Variants in BAHD1 observed in about 807,000 individuals in gnomAD.
BAHD1 encodes the protein bromo adjacent homology domain-containing 1 protein.
A neutral mutation model predicts 63.1 loss-of-function variants in BAHD1; 20 were observed. That is an observed-to-expected ratio of 0.32 (90% CI 0.22 to 0.46). The LOEUF is 0.46. Among genes scored for constraint, BAHD1 ranks in the 20% least tolerant of loss-of-function variants. BAHD1 has a pLI of 1.00. For missense variants in BAHD1, 939 were observed against 1,071.8 expected (o/e 0.88, Z 1.73); for synonymous variants, 408 against 426.8 (o/e 0.96, Z 0.54).
At chr15:40,444,906 G>A (rs768677096) in intron 1 of BAHD1, among the ~76,000 whole-genome samples, 3 of 151,676 alleles carry the variant, frequency 2.0e-5, no homozygotes, top group Non-Finnish European at 4.4e-5. Flanking sequence ...TCCCTTCTAC[G>A]CGGGAAGGCC....
intron 2 of BAHD1, among the ~76,000 whole-genome samples, chr15:40,461,143 T>C (rs1042839043): frequency 6.6e-6 from 1 of 152,044 alleles, no homozygotes; most frequent in African/African-American, 2.4e-5. Flanking sequence ...TGTGTCTCAG[T>C]TTTCTTAACT....
rs1893381996 is a variant in BAHD1, at chr15:40,441,025, C to A, written c.-258C>A. Among the ~76,000 whole-genome samples the A allele has an allele frequency of 6.8e-6, 1 of 146,570 alleles. No individual in the cohort carries two copies. Among genetic ancestry groups the A allele is most frequent in the Non-Finnish European group, 1.5e-5 (1 of 65,806 alleles). Reference sequence around the variant, plus strand: ...CCCCCGCCGCCCGCCCGTCCGGCTGCCTGCCCCGCCCGTCCGGCCCCCGCC... The same window carrying A: ...CCCCCGCCGCCCGCCCGTCCGGCTGACTGCCCCGCCCGTCCGGCCCCCGCC... On this transcript the variant is annotated 5_prime_UTR_variant, in exon 1 of 7. Coordinates refer to ENST00000416165, the MANE Select transcript of BAHD1 (RefSeq NM_014952.5).
chr15:40,457,726 C>G (rs1046932677), intron 1 of BAHD1, among the ~76,000 whole-genome samples: 1 of 152,194 alleles, frequency 6.6e-6, no homozygotes, highest in Admixed American at 6.5e-5. Flanking sequence ...AGATGGACTC[C>G]TGGCCGGGGG....
intron 6 of BAHD1, among the ~76,000 whole-genome samples, 187 bp downstream of exon 6, chr15:40,465,622 G>T (rs955794095): frequency 1.3e-5 from 2 of 152,204 alleles, no homozygotes; most frequent in African/African-American, 2.4e-5. Flanking sequence ...TTGGAAGAAA[G>T]AAGAAAAATT....
intron 1 of BAHD1, among the ~76,000 whole-genome samples, chr15:40,458,000 CA>C (rs1326965778): frequency 6.6e-6 from 1 of 151,302 alleles, no homozygotes; most frequent in African/African-American, 2.4e-5. Flanking sequence ...CTCCGTCTCT[CA>C]AAAAAAGAAA....
intron 1 of BAHD1, among the ~76,000 whole-genome samples, chr15:40,441,513 C>A (rs1893400967): frequency 6.6e-6 from 1 of 150,776 alleles, no homozygotes; most frequent in Non-Finnish European, 1.5e-5. Flanking sequence ...GTCCCGCCAT[C>A]GGGGAACGCG....
At position 40,462,199 on chromosome 15, in the gene BAHD1, C is replaced by G. The variant is rs961774486; in HGVS notation, c.1720C>G (p.Arg574Gly). ...CAGGCCTAGCCACCCCAAGCAGCCACGTGTCCAGCGCCCACGCCCTCGCCG... is the reference window on the plus strand; with the variant it reads ...CAGGCCTAGCCACCCCAAGCAGCCAGGTGTCCAGCGCCCACGCCCTCGCCG... The part of the protein sequence containing the change: ...ARRPSHPKQP[R>G]VQRPRPRRRR... Residue 574 changes from arginine (R) to glycine (G), a missense_variant, in exon 3 of 7, where the codon CGT becomes GGT. Around this residue, in one of 5 missense-constraint regions of BAHD1, gnomAD observed 797 missense variants for 813.3 expected, o/e 0.98. Transcript: ENST00000416165. 6.2e-7 allele frequency: 1 copy of G among 1,612,488 alleles called. No homozygotes were observed. Among genetic ancestry groups the G allele is most frequent in the Non-Finnish European group, 8.5e-7 (1 of 1,179,904 alleles).
chr15:40,461,184 A>C (rs1052682863), intron 2 of BAHD1, among the ~76,000 whole-genome samples: 1 of 152,176 alleles, frequency 6.6e-6, no homozygotes, highest in African/African-American at 2.4e-5. Flanking sequence ...CCTATCTCAC[A>C]GGGTTTTTGT....
intron 1 of BAHD1, chr15:40,453,409 C>T (rs1893761803): frequency 6.6e-6 from 1 of 152,222 alleles, no homozygotes; most frequent in Non-Finnish European, 1.5e-5. Flanking sequence ...GCTCTTGCCA[C>T]ATTTCTTCTC....
chr15:40,459,980 G>C (rs141668445), intron 2 of BAHD1, 84 bp downstream of exon 2: 2 of 1,448,956 alleles, frequency 1.4e-6, no homozygotes, highest in African/African-American at 2.8e-5. Context: ...CTGAGCAGGG[G>C]TCTCCCTTGG....
chr15:40,454,014 C>T (rs1274504317), intron 1 of BAHD1: 1 of 152,458 alleles, frequency 6.6e-6, no homozygotes, highest in African/African-American at 2.4e-5. Context: ...ACCAAAGAAG[C>T]CTGAAAAGCA....
At chr15:40,453,085 G>C (rs149388991) in intron 1 of BAHD1, among the ~76,000 whole-genome samples, 1 of 152,170 alleles carries the variant, frequency 6.6e-6, no homozygotes, top group South Asian at 2.1e-4. Context: ...CTCCTCTGTC[G>C]GGTTGGAAGG....
Position 40,466,271 on chromosome 15 carries a change from G to A in BAHD1, c.*141G>A, listed in dbSNP as rs891361985. 2.7e-6 allele frequency: 2 copies of A among 746,508 alleles called. No individual in the cohort carries two copies. Among genetic ancestry groups the A allele is most frequent in the Non-Finnish European group, 4.2e-6 (2 of 478,066 alleles). The allele number at this position is 746,508 out of a possible 1,614,324, so 46.2% of individuals were successfully genotyped here. A position where few individuals can be genotyped will look rare whatever the true frequency, so the allele number is the denominator to read the frequency against. ...TGGTTTTCTTGGGGGGGAGGGCAGG[G>A]GCCCCTGTGGGTTCTGGGCTCCAGG... On this transcript the variant is annotated 3_prime_UTR_variant, in exon 7 of 7. Transcript: ENST00000416165.
intron 1 of BAHD1, among the ~76,000 whole-genome samples, chr15:40,444,518 A>T (rs1893483386): frequency 6.6e-6 from 1 of 152,188 alleles, no homozygotes; most frequent in Non-Finnish European, 1.5e-5. Flanking sequence ...TGCTAAATGA[A>T]TCCATGTTTT....
intron 1 of BAHD1, among the ~76,000 whole-genome samples, chr15:40,451,747 T>C (rs1306437225): frequency 1.7e-4 from 26 of 152,138 alleles, no homozygotes; most frequent in Non-Finnish European, 2.9e-5. Flanking sequence ...TCACAAGAGG[T>C]GCTGTGTGCC....
chr15:40,464,573 G>GA, intron 5 of BAHD1, 26 bp downstream of exon 5: 6 of 1,594,156 alleles, frequency 3.8e-6, no homozygotes, highest in Non-Finnish European at 5.1e-6. Context: ...GATGGGTCAG[G>GA]GAGGGCAGGA....
intron 1 of BAHD1, among the ~76,000 whole-genome samples, chr15:40,442,849 C>CA (rs201871335): frequency 2.0e-4 from 30 of 150,670 alleles, no homozygotes; most frequent in South Asian, 1.1e-3. Flanking sequence ...CTGTCTTCCA[C>CA]AAAAAAAAAG....
chr15:40,465,024 C>T, intron 5 of BAHD1: 1 of 430,946 alleles, frequency 2.3e-6, no homozygotes, highest in Non-Finnish European at 4.2e-6. Context: ...CTTGCAGGGA[C>T]TTTCCATCTA....
At position 40,468,180 on chromosome 15, in the gene BAHD1, G is replaced by C. The variant is rs143727910; in HGVS notation, c.*2050G>C. ...CTCACCTCCCTTTTGACAGAGATTA[G>C]AAGTACTTCTTTAAGAAAAAAATAA... On this transcript the variant is annotated 3_prime_UTR_variant, in exon 7 of 7. Transcript: ENST00000416165. 3 of 152,622 alleles carry C rather than the reference G, an allele frequency of 2.0e-5. No individual in the cohort carries two copies. The highest frequency in any genetic ancestry group is 7.2e-5 in the African/African-American group (3 of 41,430). The allele number at this position is 152,622 out of a possible 1,614,324, so 9.5% of individuals were successfully genotyped here.
Sources: gnomAD v4.1 joint callset for allele counts (sites outside exome capture counted in the v4.1 genomes callset) on GRCh38, gnomAD v4.1.1 for gene constraint, gnomAD v4.1.1 regional missense constraint, MANE v1.5 for transcripts, NCBI Gene and HGNC (gene_info 2026-07-23, HGNC 2026-07-21) for gene names.